Variants in CCNE2 observed in about 807,000 individuals in gnomAD.
CCNE2 encodes the protein G1/S-specific cyclin-E2.
CCNE2 carries 18 observed loss-of-function variants against 56.8 expected under a neutral mutation model. The observed-to-expected ratio is 0.32, with a 90% confidence interval of 0.22 to 0.47. CCNE2 has a LOEUF of 0.47. Among genes scored for constraint, CCNE2 ranks in the 20% least tolerant of loss-of-function variants. CCNE2 has a pLI of 1.00. For missense variants in CCNE2, 371 were observed against 467.1 expected (o/e 0.79, Z 1.90); for synonymous variants, 139 against 149.2 (o/e 0.93, Z 0.50).
chr8:94,890,730 G>A (rs2131117034), intron 5 of CCNE2, among the ~76,000 whole-genome samples, 180 bp from the exon 6 acceptor site: 1 of 151,632 alleles, frequency 6.6e-6, no homozygotes, highest in South Asian at 2.1e-4. Context: ...GTAGCTGGGA[G>A]TTACAGGTGC....
chr8:94,894,967 T>C (rs1052555222), intron 1 of CCNE2, among the ~76,000 whole-genome samples: 18 of 152,092 alleles, frequency 1.2e-4, no homozygotes, highest in African/African-American at 2.4e-5. Context: ...GAGAAGCCCC[T>C]AGAATGAGGG....
chr8:94,888,194 G>A, intron 6 of CCNE2, 121 bp from the exon 7 acceptor site: 1 of 607,228 alleles, frequency 1.6e-6, no homozygotes, highest in Non-Finnish European at 2.8e-6. Flanking sequence ...AGCTAAGATA[G>A]GAAAGGAAAA....
At position 94,881,717 on chromosome 8, in the gene CCNE2, C is replaced by G. The variant is rs1409280323; in HGVS notation, c.1130G>C (p.Arg377Thr). The change falls in exon 12 of 12, where the codon AGA (arginine) becomes ACA (threonine). Residue 377 changes from arginine (R) to threonine (T), a missense_variant. Physicochemically the swap from Arg to Thr is moderately conservative, Grantham distance 71 (BLOSUM62 -1). Coordinates refer to ENST00000308108, the MANE Select transcript of CCNE2 (RefSeq NM_057749.3). Reference protein sequence around the residue: ...LEEVNYINTFRKGGQLSPVCN... With the variant: ...LEEVNYINTFTKGGQLSPVCN... The stretch of plus-strand genomic sequence containing the variant: ...CACTGGTGACAACTGTCCCCCTTTT[C>G]TGAAGGTGTTTATGTAATTTACTTC... The G allele has an allele frequency of 1.9e-6, 3 of 1,613,708 alleles. No individual in the cohort carries two copies. The highest frequency in any genetic ancestry group is 2.7e-5 in the African/African-American group (2 of 74,870).
chr8:94,891,057 T>C (rs1338670551), intron 5 of CCNE2, among the ~76,000 whole-genome samples: 1 of 152,176 alleles, frequency 6.6e-6, no homozygotes, highest in Admixed American at 6.5e-5. Context: ...TTGGAAACAA[T>C]TTCCTTTGCA....
At chr8:94,893,102 A>C (rs1817304601) in intron 4 of CCNE2, 133 bp from the exon 5 acceptor site, 1 of 637,096 alleles carries the variant, frequency 1.6e-6, no homozygotes, top group Non-Finnish European at 2.5e-6. Context: ...AATATAGCTA[A>C]TTTGACATTC....
chr8:94,893,953 T>C lies in CCNE2; in HGVS notation c.112-9A>G, dbSNP rs746791909. Reference sequence around the variant, plus strand: ...CTTCTTTTTTTGACATCCTGGAAAATAGAAAAGACCATTGGTAAACTAAAG... The same window carrying C: ...CTTCTTTTTTTGACATCCTGGAAAACAGAAAAGACCATTGGTAAACTAAAG... On this transcript the variant is annotated splice_polypyrimidine_tract_variant and intron_variant, in intron 3 of 11. Transcript: ENST00000308108. 1.7e-5 allele frequency: 28 copies of C among 1,613,876 alleles called. No homozygotes were observed. The Middle Eastern group carries it at 1.2e-3, about 66-fold the overall frequency.
chr8:94,885,340 C>T, intron 8 of CCNE2, 123 bp downstream of exon 8: 1 of 1,053,662 alleles, frequency 9.5e-7, no homozygotes, highest in East Asian at 2.4e-5. Context: ...CCTCTTAGAA[C>T]TGGATCCTAA....
At position 94,885,063 on chromosome 8, in the gene CCNE2, G is replaced by A. The variant is rs1816984028; in HGVS notation, c.831+4C>T. On this transcript the variant is annotated splice_donor_region_variant and intron_variant, in intron 9 of 11. Coordinates refer to ENST00000308108, the MANE Select transcript of CCNE2 (RefSeq NM_057749.3). ...TACCATTGAATCAATAAAAATGTCA[G>A]TACCTGAGCTATTTGAATGAATGTT... The A allele has an allele frequency of 6.2e-7, 1 of 1,611,960 alleles. No individual in the cohort carries two copies. The highest frequency in any genetic ancestry group is 8.5e-7 in the Non-Finnish European group (1 of 1,178,622).
chr8:94,894,596 C>A (rs963506266), intron 1 of CCNE2: 1 of 228,692 alleles, frequency 4.4e-6, no homozygotes, highest in Non-Finnish European at 8.6e-6. Flanking sequence ...AGCGCCCCCA[C>A]GTCCCGCCTC....
chr8:94,888,445 A>G (rs1817111287), intron 6 of CCNE2, among the ~76,000 whole-genome samples: 1 of 152,204 alleles, frequency 6.6e-6, no homozygotes, highest in Non-Finnish European at 1.5e-5. Context: ...TGTCATTTCT[A>G]CACTTTTAGG....
Position 94,890,499 on chromosome 8 carries a change from T to C in CCNE2, c.369A>G (p.Arg123=). 4 of 1,603,486 alleles carry C rather than the reference T, an allele frequency of 2.5e-6. No homozygotes were observed. The highest frequency in any genetic ancestry group is 2.3e-5 in the East Asian group (1 of 44,000). The change falls in exon 6 of 12, where the codon AGA becomes AGG. Residue 123 remains arginine, a synonymous_variant. Coordinates refer to ENST00000308108, the MANE Select transcript of CCNE2 (RefSeq NM_057749.3). ...CTTCAAAATGTTTGTCATGAACATA[T>C]CTGCTCTCCTTTTTTAACATGTTTA... The part of the protein sequence containing the change: ...VWLNMLKKES[R]YVHDKHFEVL...
At position 94,882,831 on chromosome 8, in the gene CCNE2, G is replaced by C; in HGVS notation, c.893C>G (p.Ala298Gly). Residue 298 changes from alanine to glycine, a missense_variant, in exon 10 of 12, where the codon GCT becomes GGT. Physicochemically the swap from Ala to Gly is moderately conservative, Grantham distance 60. Coordinates refer to ENST00000308108, the MANE Select transcript of CCNE2 (RefSeq NM_057749.3). ...GGAGGTAAAATGGCACAAGGCAGCA[G>C]CAGTCAGTATTCTGTACTGGAACTC... Reference protein sequence around the residue: ...SLEFQYRILTAAALCHFTSIE... With the variant: ...SLEFQYRILTGAALCHFTSIE... 1 of 1,613,922 alleles carries C rather than the reference G, an allele frequency of 6.2e-7. No homozygotes were observed. The highest frequency in any genetic ancestry group is 2.2e-5 in the East Asian group (1 of 44,868).
At chr8:94,892,720 G>A (rs1817289743) in intron 5 of CCNE2, 98 bp downstream of exon 5, 4 of 647,042 alleles carry the variant, frequency 6.2e-6, no homozygotes, top group East Asian at 3.3e-5. Flanking sequence ...ATTTTTACAC[G>A]TTTTTCTACT....
intron 9 of CCNE2, among the ~76,000 whole-genome samples, chr8:94,884,203 C>A (rs908272150): frequency 1.3e-5 from 2 of 152,058 alleles, no homozygotes; most frequent in Non-Finnish European, 2.9e-5. Flanking sequence ...AATAATTATC[C>A]CCAAATGTCT....
intron 6 of CCNE2, among the ~76,000 whole-genome samples, chr8:94,889,915 T>C (rs560753470): frequency 1.2e-4 from 19 of 152,282 alleles, no homozygotes; most frequent in Admixed American, 1.0e-3. Context: ...CGGAAAAGAA[T>C]AGAAGAATAT....
rs1411425224 is a variant in CCNE2, at chr8:94,893,921, C to T, written c.135G>A (p.Glu45=). 1 of 1,614,008 alleles carries T rather than the reference C, an allele frequency of 6.2e-7. No homozygotes were observed. Among genetic ancestry groups the T allele is most frequent in the Non-Finnish European group, 8.5e-7 (1 of 1,180,008 alleles). Residue 45 remains glutamate (E), a synonymous_variant, in exon 4 of 12, where the codon GAG becomes GAA. Transcript: ENST00000308108. ...TTTCATACTGATGTTTCTTGGTGAC[C>T]TCCTCTCTTCTTTTTTTGACATCCT... is the stretch of plus-strand genomic sequence containing the variant. The part of the protein sequence containing the change: ...TTQDVKKRRE[E]VTKKHQYEIR...
At chr8:94,895,241 G>A (rs887359535), upstream of CCNE2, 25 of 985,684 alleles carry the variant, frequency 2.5e-5, no homozygotes, top group Non-Finnish European at 2.8e-5. Context: ...GGCCGGGCCG[G>A]TCCCGCCCCG....
intron 5 of CCNE2, chr8:94,891,109 C>T (rs1817224413): frequency 6.6e-6 from 1 of 152,224 alleles, no homozygotes; most frequent in Non-Finnish European, 1.5e-5. Context: ...GGAACCTGGA[C>T]TATGATCATC....
At chr8:94,895,251 G>C, upstream of CCNE2, 1 of 985,460 alleles carries the variant, frequency 1.0e-6, no homozygotes, top group Non-Finnish European at 1.2e-6. Flanking sequence ...GTCCCGCCCC[G>C]CACGCATGCG....
Sources: allele counts gnomAD v4.1 joint callset (sites outside exome capture counted in the v4.1 genomes callset), GRCh38; gene constraint gnomAD v4.1.1; transcripts MANE v1.5; gene names NCBI Gene and HGNC (gene_info 2026-07-23, HGNC 2026-07-21).